CDH13: variants seen among roughly 807,000 people sequenced by gnomAD.
CDH13 encodes the protein cadherin 13.
In CDH13, 24 loss-of-function variants were observed where a neutral mutation model predicts 63.8. That is an observed-to-expected ratio of 0.38 (90% confidence interval 0.27 to 0.53). CDH13 has a LOEUF of 0.53. Among genes scored for constraint, CDH13 ranks in the 20% least tolerant of loss-of-function variants. The probability of loss-of-function intolerance (pLI) is 0.85; values close to 1 mark genes in which losing one functional copy is unlikely to be tolerated. For missense variants in CDH13, 1,049 were observed against 903.1 expected (o/e 1.16, Z -2.07); for synonymous variants, 503 against 355.3 (o/e 1.42, Z -4.67).
intron 7 of CDH13, among the ~76,000 whole-genome samples, chr16:83,579,823 C>T (rs1002021524): frequency 5.3e-5 from 8 of 151,866 alleles, no homozygotes; most frequent in Non-Finnish European, 1.2e-4. Context: ...ATGGGTATAA[C>T]ACAGTGTGGG....
chr16:83,531,517 T>C (rs1312430419), intron 7 of CDH13, among the ~76,000 whole-genome samples: 2 of 152,234 alleles, frequency 1.3e-5, no homozygotes, highest in Non-Finnish European at 1.5e-5. Flanking sequence ...CCCTCTTCTC[T>C]TCTCTGCCGC....
chr16:83,310,991 T>A (rs928410828), intron 5 of CDH13, among the ~76,000 whole-genome samples: 1 of 152,132 alleles, frequency 6.6e-6, no homozygotes, highest in Non-Finnish European at 1.5e-5. Flanking sequence ...TACTCCCACA[T>A]AAAGGTTATC....
intron 2 of CDH13, among the ~76,000 whole-genome samples, chr16:83,002,735 G>C (rs894675646): frequency 2.6e-5 from 4 of 152,180 alleles, no homozygotes; most frequent in Non-Finnish European, 5.9e-5. Context: ...GGCGTTCAGA[G>C]ACTGGGAGGA....
At chr16:82,844,803 C>T (rs1366653236) in intron 1 of CDH13, 1 of 71,018 alleles carries the variant, frequency 1.4e-5, no homozygotes, top group Non-Finnish European at 3.2e-5. Flanking sequence ...CCAAGCCCTG[C>T]TAATTTTTAT....
In CDH13 at chr16:83,445,603, T is replaced by A. The variant is rs557871618; in HGVS notation, c.782-40874T>A. 2.6e-5 allele frequency among the ~76,000 whole-genome samples: 4 copies of A among 152,302 alleles called. No individual in the cohort carries two copies. The Middle Eastern group carries it at 0.01, about 389-fold the overall frequency. ...AGGAACTTTCACACTTGGCTTTAAT[T>A]TCTCTCTGCACATTTTGTTAGCGAT... On this transcript the variant is annotated intron_variant, in intron 6 of 13. Transcript: ENST00000567109.
At chr16:83,682,467 G>T (rs180830523) in intron 10 of CDH13, among the ~76,000 whole-genome samples, 1 of 152,252 alleles carries the variant, frequency 6.6e-6, no homozygotes, top group Admixed American at 6.5e-5. Context: ...TCAGTTTGAG[G>T]ACAGGTAAAA....
chr16:83,775,917 A>G (rs1417336183), intron 11 of CDH13, among the ~76,000 whole-genome samples: 2 of 152,086 alleles, frequency 1.3e-5, no homozygotes, highest in African/African-American at 2.4e-5. Flanking sequence ...AGAAGCCCCT[A>G]TATTTCCTGG....
At chr16:82,714,795 G>A (rs1037375392) in intron 1 of CDH13, among the ~76,000 whole-genome samples, 4 of 140,550 alleles carry the variant, frequency 2.8e-5, no homozygotes, top group Admixed American at 1.5e-4. Context: ...CTGGGGTGAC[G>A]CAGCTACAAT....
At chr16:82,813,649 G>A (rs1185354540) in intron 1 of CDH13, among the ~76,000 whole-genome samples, 1 of 152,116 alleles carries the variant, frequency 6.6e-6, no homozygotes, top group African/African-American at 2.4e-5. Context: ...TGCTGGGGCT[G>A]GACTTTGCAT....
At chr16:83,792,184 G>A (rs535758795) in intron 13 of CDH13, among the ~76,000 whole-genome samples, 22 of 152,340 alleles carry the variant, frequency 1.4e-4, no homozygotes, top group African/African-American at 3.1e-4. Flanking sequence ...GCCTGCAGAC[G>A]GCCGCGGTCA....
intron 1 of CDH13, among the ~76,000 whole-genome samples, chr16:82,796,332 C>G (rs1265705622): frequency 6.6e-6 from 1 of 152,174 alleles, no homozygotes; most frequent in Non-Finnish European, 1.5e-5. Context: ...TCCAATCTCG[C>G]TCTTCTCTTC....
At chr16:83,036,472 AG>A (rs1916866427) in intron 3 of CDH13, among the ~76,000 whole-genome samples, 2 of 152,056 alleles carry the variant, frequency 1.3e-5, no homozygotes, top group African/African-American at 4.8e-5. Flanking sequence ...CTTTAACAGT[AG>A]GTTCTATTGG....
At chr16:83,405,471 G>A (rs1294905378) in intron 6 of CDH13, among the ~76,000 whole-genome samples, 1 of 152,170 alleles carries the variant, frequency 6.6e-6, no homozygotes. Flanking sequence ...CTTTGAAGTT[G>A]GAGGAAGAGG....
intron 1 of CDH13, among the ~76,000 whole-genome samples, chr16:82,855,935 G>T (rs1597810743): frequency 6.6e-6 from 1 of 152,128 alleles, no homozygotes; most frequent in African/African-American, 2.4e-5. Flanking sequence ...GTTCTCTGGT[G>T]GGGATGATAA....
intron 1 of CDH13, among the ~76,000 whole-genome samples, chr16:82,851,487 C>T (rs1286175338): frequency 2.0e-5 from 3 of 151,352 alleles, no homozygotes; most frequent in Admixed American, 6.6e-5. Flanking sequence ...ACAATGGGAC[C>T]GACGAAACTA....
intron 2 of CDH13, chr16:82,884,251 A>G: frequency 2.2e-6 from 1 of 453,964 alleles, no homozygotes; most frequent in Admixed American, 2.4e-5. Context: ...CTCCCATGAG[A>G]AGGAAATCTG....
At position 83,707,836 on chromosome 16, in the gene CDH13, C is replaced by CAAAAAAAAAAAAAAAAAAAAAAA. The variant is rs61067563; in HGVS notation, c.1538+29397_1538+29398insAAAAAAAAAAAAAAAAAAAAAAA. ...CATCTTTGGTGAGAGACCCTAAAGG[C>CAAAAAAAAAAAAAAAAAAAAAAA]AAAAAAAAAAAAAAAAAAAAAAGAG... On this transcript the variant is annotated intron_variant, in intron 10 of 13. Coordinates refer to ENST00000567109, the MANE Select transcript of CDH13 (RefSeq NM_001257.5). Among the ~76,000 whole-genome samples the CAAAAAAAAAAAAAAAAAAAAAAA allele has an allele frequency of 1.3e-3, 101 of 78,854 alleles. 11 individuals carry two copies. The highest frequency in any genetic ancestry group is 2.5e-3 in the African/African-American group (50 of 19,972). 51.7% of individuals were successfully genotyped at this position (78,854 alleles called of 152,430 possible). A position where few individuals can be genotyped will look rare whatever the true frequency, so the allele number is the denominator to read the frequency against.
chr16:83,003,366 T>C (rs1399015429), intron 2 of CDH13, among the ~76,000 whole-genome samples: 2 of 152,042 alleles, frequency 1.3e-5, no homozygotes, highest in African/African-American at 4.8e-5. Flanking sequence ...TGATAATTTA[T>C]CTATTTAACT....
intron 1 of CDH13, among the ~76,000 whole-genome samples, chr16:82,698,481 C>T (rs1163320879): frequency 6.6e-6 from 1 of 152,228 alleles, no homozygotes; most frequent in Admixed American, 6.5e-5. Flanking sequence ...GCTCAGCCAT[C>T]AGTTAGGTGG....
Sources: gnomAD v4.1 joint callset for allele counts (sites outside exome capture counted in the v4.1 genomes callset) on GRCh38, gnomAD v4.1.1 for gene constraint, MANE v1.5 for transcripts, NCBI Gene and HGNC (gene_info 2026-07-23, HGNC 2026-07-21) for gene names.